Variants in STON2 observed in about 807,000 individuals in gnomAD.
The protein encoded by STON2 is stonin-2.
In STON2, 29 loss-of-function variants were observed where a neutral mutation model predicts 65.7. That is an observed-to-expected ratio of 0.44 (90% confidence interval 0.33 to 0.60). STON2 has a LOEUF of 0.60. Among genes scored for constraint, STON2 ranks in the 20% least tolerant of loss-of-function variants. The pLI, the probability that STON2 is intolerant of heterozygous loss-of-function variation, is 0.03. For missense variants in STON2, 1,054 were observed against 1,118.1 expected, an observed-to-expected ratio of 0.94 and a Z score of 0.82; for synonymous variants, 404 against 414.2, an observed-to-expected ratio of 0.98 and a Z score of 0.30.
At chr14:81,284,390 G>A (rs976771842) in intron 5 of STON2, among the ~76,000 whole-genome samples, 3 of 152,212 alleles carry the variant, frequency 2.0e-5, no homozygotes, top group African/African-American at 7.2e-5. Context: ...GTGAACACAT[G>A]AATGATAAGA....
At chr14:81,365,693 T>G (rs998270955) in intron 4 of STON2, among the ~76,000 whole-genome samples, 2 of 151,920 alleles carry the variant, frequency 1.3e-5, no homozygotes, top group Non-Finnish European at 2.9e-5. Context: ...AAGGTGGAGG[T>G]TGCAGTGAGC....
At chr14:81,333,531 C>T (rs1216101608) in intron 4 of STON2, among the ~76,000 whole-genome samples, 2 of 152,156 alleles carry the variant, frequency 1.3e-5, no homozygotes, top group African/African-American at 2.4e-5. Flanking sequence ...CTGACTCAAA[C>T]GGCTAGTAAG....
intron 3 of STON2, among the ~76,000 whole-genome samples, chr14:81,378,991 T>A (rs913852927): frequency 1.3e-5 from 2 of 151,148 alleles, no homozygotes; most frequent in African/African-American, 4.9e-5. Flanking sequence ...AAGATGGTGA[T>A]GTTCATTATC....
exon 2 of STON2, chr14:81,427,183 A>ATG (rs1273662074): frequency 6.6e-6 from 1 of 152,164 alleles, no homozygotes; most frequent in Non-Finnish European, 1.5e-5. Flanking sequence ...CATCCACGAG[A>ATG]TGTACTTTTT....
At chr14:81,309,380 G>A (rs1896334590) in intron 5 of STON2, among the ~76,000 whole-genome samples, 1 of 152,022 alleles carries the variant, frequency 6.6e-6, no homozygotes, top group South Asian at 2.1e-4. Flanking sequence ...ATCTTGGTTT[G>A]AACAATATCT....
At chr14:81,288,711 T>A (rs1302896426) in intron 5 of STON2, among the ~76,000 whole-genome samples, 1 of 151,936 alleles carries the variant, frequency 6.6e-6, no homozygotes, top group Admixed American at 6.6e-5. Context: ...ACCTATATGG[T>A]ATGAAAAGAA....
chr14:81,374,159 C>A (rs1317374147), intron 3 of STON2, among the ~76,000 whole-genome samples: 1 of 151,044 alleles, frequency 6.6e-6, no homozygotes, highest in African/African-American at 2.4e-5. Context: ...TGCAGGCTCC[C>A]GCCACCATGC....
intron 5 of STON2, among the ~76,000 whole-genome samples, chr14:81,295,495 C>T (rs969529038): frequency 3.3e-5 from 5 of 152,190 alleles, no homozygotes; most frequent in African/African-American, 1.2e-4. Flanking sequence ...TTTCAACGAT[C>T]TCCTAAATAC....
chr14:81,311,160 T>C (rs1210388393), intron 5 of STON2, among the ~76,000 whole-genome samples: 6 of 152,158 alleles, frequency 3.9e-5, no homozygotes, highest in African/African-American at 1.4e-4. Flanking sequence ...TTTTTTGTAT[T>C]GCACCTAGTA....
intron 5 of STON2, among the ~76,000 whole-genome samples, chr14:81,319,735 T>A (rs913529110): frequency 1.2e-4 from 18 of 152,214 alleles, no homozygotes; most frequent in African/African-American, 4.1e-4. Context: ...GATATTTGAT[T>A]GAATACTCTA....
intron 5 of STON2, among the ~76,000 whole-genome samples, chr14:81,315,433 C>T (rs1896580580): frequency 6.6e-6 from 1 of 152,204 alleles, no homozygotes; most frequent in Non-Finnish European, 1.5e-5. Context: ...AAAGAAGCTG[C>T]TTTATTGAAA....
intron 3 of STON2, among the ~76,000 whole-genome samples, chr14:81,374,484 G>A (rs1381533965): frequency 1.3e-5 from 2 of 152,146 alleles, no homozygotes; most frequent in African/African-American, 4.8e-5. Context: ...GTGTGTGGGT[G>A]GGTGGGGTGA....
chr14:81,328,854 A>T (rs182676477), intron 4 of STON2, among the ~76,000 whole-genome samples: 177 of 152,248 alleles, frequency 1.2e-3, no homozygotes, highest in African/African-American at 3.7e-3. Flanking sequence ...ACTTCTGTGC[A>T]TGCCAGCTTC....
intron 3 of STON2, among the ~76,000 whole-genome samples, chr14:81,393,467 G>C (rs111867131): frequency 6.6e-6 from 1 of 152,156 alleles, no homozygotes. Context: ...CAGGGCATCC[G>C]AAGGCTGCTC....
At chr14:81,355,962 A>C (rs1898212932) in intron 4 of STON2, among the ~76,000 whole-genome samples, 1 of 152,134 alleles carries the variant, frequency 6.6e-6, no homozygotes, top group South Asian at 2.1e-4. Flanking sequence ...AACAGGGACA[A>C]TTTGACTTCC....
chr14:81,318,754 G>A (rs1435120774), intron 5 of STON2, among the ~76,000 whole-genome samples: 1 of 152,150 alleles, frequency 6.6e-6, no homozygotes, highest in East Asian at 1.9e-4. Flanking sequence ...CGGGGTCTGA[G>A]ACACAATACT....
At chr14:81,355,447 C>A (rs932482188) in intron 4 of STON2, among the ~76,000 whole-genome samples, 7 of 152,046 alleles carry the variant, frequency 4.6e-5, no homozygotes, top group Admixed American at 1.3e-4. Context: ...TAATCAATTT[C>A]TCAGCAGAAA....
rs558098771 is a variant in STON2 at position 81,412,343 on chromosome 14, G to A, written c.-198-13763C>T. ...GTGGCCTGAAACAACCTAGGCGTCC[G>A]ATGATGAATGGGATGGATAAGCAAA... On this transcript the variant is annotated intron_variant, in intron 2 of 8. Coordinates refer to the STON2 transcript ENST00000553821. 6.3e-4 allele frequency among the ~76,000 whole-genome samples: 88 copies of A among 139,994 alleles called. 19 individuals are homozygous for A. Among genetic ancestry groups the A allele is most frequent in the African/African-American group, 2.5e-3 (84 of 34,204 alleles). The allele number at this position is 139,994 out of a possible 152,430, so 91.8% of individuals were successfully genotyped here.
chr14:81,281,633 G>A (rs1895125027), intron 5 of STON2, among the ~76,000 whole-genome samples: 2 of 152,150 alleles, frequency 1.3e-5, no homozygotes, highest in Non-Finnish European at 1.5e-5. Flanking sequence ...TGGGAATCTT[G>A]TCCTCAAAAC....
Sources: gnomAD v4.1 joint callset for allele counts (sites outside exome capture counted in the v4.1 genomes callset) on GRCh38, gnomAD v4.1.1 for gene constraint, MANE v1.5 for transcripts, NCBI Gene and HGNC (gene_info 2026-07-23, HGNC 2026-07-21) for gene names.